Variants in OXR1 observed in about 807,000 individuals in gnomAD.
OXR1 encodes oxidation resistance 1.
Under a neutral mutation model 104.6 loss-of-function variants are expected in OXR1, and 41 were observed. The ratio of observed to expected loss-of-function variants is 0.39; its 90% CI spans 0.31 to 0.51. The LOEUF (loss-of-function observed/expected upper bound fraction) is 0.51, where lower values mean the gene tolerates loss of function less well. Among genes scored for constraint, OXR1 ranks in the 20% least tolerant of loss-of-function variants. The pLI, the probability that OXR1 is intolerant of heterozygous loss-of-function variation, is 0.77. For synonymous variants in OXR1, 348 were observed against 348.4 expected, an observed-to-expected ratio of 1.00 and a Z score of 0.01; for missense variants, 955 against 1,031.9, an observed-to-expected ratio of 0.93 and a Z score of 1.02.
chr8:106,580,925 T>C, intron 3 of OXR1: 2 of 955,524 alleles, frequency 2.1e-6, no homozygotes, highest in South Asian at 4.7e-5. Flanking sequence ...ATTCCTTAAG[T>C]AAATGAATGA....
intron 7 of OXR1, among the ~76,000 whole-genome samples, chr8:106,701,689 A>C (rs1830594292): frequency 6.6e-6 from 1 of 152,230 alleles, no homozygotes; most frequent in African/African-American, 2.4e-5. Flanking sequence ...TATATATAGC[A>C]TAAAGCATGA....
intron 3 of OXR1, among the ~76,000 whole-genome samples, chr8:106,606,968 C>A (rs1284403458): frequency 6.6e-6 from 1 of 152,098 alleles, no homozygotes; most frequent in Non-Finnish European, 1.5e-5. Context: ...GCCAACTGAC[C>A]AATGTCCCAG....
chr8:106,628,236 T>C (rs1019016203), intron 3 of OXR1, among the ~76,000 whole-genome samples: 3 of 152,150 alleles, frequency 2.0e-5, no homozygotes, highest in South Asian at 2.1e-4. Flanking sequence ...CATTGGATTG[T>C]TGCAAGGGTT....
intron 2 of OXR1, among the ~76,000 whole-genome samples, chr8:106,450,355 G>A (rs2130613696): frequency 6.6e-6 from 1 of 152,176 alleles, no homozygotes; most frequent in South Asian, 2.1e-4. Flanking sequence ...TTGTCCGTGT[G>A]CTATTTTCAG....
At chr8:106,284,108 C>G (rs1198581110) in intron 1 of OXR1, among the ~76,000 whole-genome samples, 2 of 151,878 alleles carry the variant, frequency 1.3e-5, no homozygotes, top group Non-Finnish European at 2.9e-5. Flanking sequence ...CAAACATGGC[C>G]CATGCTTTCA....
chr8:106,694,755 TATATATATTTAATAGATAAATAC>T (rs1307686685), intron 7 of OXR1, among the ~76,000 whole-genome samples: 18 of 114,186 alleles, frequency 1.6e-4, no homozygotes, highest in East Asian at 5.4e-4. Flanking sequence ...TATATATTAA[TATATATATTTAATAGATAAATAC>T]ATATATATTT....
chr8:106,499,868 T>C (rs940629935), intron 2 of OXR1, among the ~76,000 whole-genome samples: 6 of 152,256 alleles, frequency 3.9e-5, no homozygotes, highest in African/African-American at 1.4e-4. Context: ...GACTTGCTTG[T>C]CACTGTCTCA....
chr8:106,343,624 G>T (rs1243538723), intron 1 of OXR1, among the ~76,000 whole-genome samples: 1 of 152,132 alleles, frequency 6.6e-6, no homozygotes, highest in Non-Finnish European at 1.5e-5. Context: ...CTACCCCAAA[G>T]GAATCACCAT....
intron 2 of OXR1, among the ~76,000 whole-genome samples, chr8:106,476,472 C>T (rs1821815840): frequency 6.6e-6 from 1 of 151,878 alleles, no homozygotes; most frequent in African/African-American, 2.4e-5. Flanking sequence ...TAGATAAAGG[C>T]AGTCCTGATT....
chr8:106,451,422 A>G (rs1228473355), intron 2 of OXR1, among the ~76,000 whole-genome samples: 1 of 152,206 alleles, frequency 6.6e-6, no homozygotes, highest in Non-Finnish European at 1.5e-5. Flanking sequence ...ATTCTTATAC[A>G]TGGATCAGAA....
chr8:106,344,254 G>T (rs996097462), intron 1 of OXR1, among the ~76,000 whole-genome samples: 2 of 152,142 alleles, frequency 1.3e-5, no homozygotes, highest in African/African-American at 2.4e-5. Context: ...TGCTTCCCAC[G>T]AACTACAGTT....
At chr8:106,597,302 A>G (rs1342221339) in intron 3 of OXR1, among the ~76,000 whole-genome samples, 1 of 151,972 alleles carries the variant, frequency 6.6e-6, no homozygotes, top group East Asian at 1.9e-4. Context: ...AGACCCCGTC[A>G]CTCCTGTGAA....
At chr8:106,389,000 T>C (rs114423183) in intron 2 of OXR1, among the ~76,000 whole-genome samples, 1 of 152,222 alleles carries the variant, frequency 6.6e-6, no homozygotes, top group African/African-American at 2.4e-5. Flanking sequence ...ATCAGAGCCA[T>C]GGGAACTGAG....
intron 1 of OXR1, among the ~76,000 whole-genome samples, chr8:106,294,135 A>G (rs1217647648): frequency 1.3e-5 from 2 of 151,924 alleles, no homozygotes; most frequent in Admixed American, 6.6e-5. Flanking sequence ...AAATGTCTGT[A>G]GTCCCGTCTG....
intron 3 of OXR1, among the ~76,000 whole-genome samples, chr8:106,651,699 C>A (rs1439228986): frequency 6.6e-6 from 1 of 152,092 alleles, no homozygotes; most frequent in East Asian, 1.9e-4. Context: ...AAGTATGAGT[C>A]CCCCAACTCT....
intron 3 of OXR1, among the ~76,000 whole-genome samples, chr8:106,655,566 G>A (rs1267153513): frequency 2.0e-5 from 3 of 152,096 alleles, no homozygotes; most frequent in Non-Finnish European, 4.4e-5. Flanking sequence ...AGAGCAACTT[G>A]ATGTAGATTG....
At chr8:106,314,049 C>T (rs1813824883) in intron 1 of OXR1, among the ~76,000 whole-genome samples, 1 of 152,320 alleles carries the variant, frequency 6.6e-6, no homozygotes, top group South Asian at 2.1e-4. Context: ...TCATCATACA[C>T]ATTCAGAGAA....
At position 106,750,927 on chromosome 8, in the gene OXR1, T is replaced by A. The variant is rs374569040; in HGVS notation, c.2608T>A (p.Trp870Arg). Residue 870 changes from tryptophan to arginine, a missense_variant, in exon 17 of 17, where the codon TGG becomes AGG. Physicochemically the swap from Trp to Arg is moderately radical, Grantham distance 101 (BLOSUM62 -3). This residue lies in a region of OXR1 where 106 missense variants were observed against 179.0 expected (regional missense o/e 0.59). Coordinates refer to ENST00000517566, the MANE Select transcript of OXR1 (RefSeq NM_001198533.2). ...TTTCTTTATCCAAGATATTGAAATCTGGGCTTTTGAATAAATAAAATGCTC... is the reference window on the plus strand; with the variant it reads ...TTTCTTTATCCAAGATATTGAAATCAGGGCTTTTGAATAAATAAAATGCTC... ...EDFFIQDIEI[W>R]AFE 6.2e-7 allele frequency: 1 copy of A among 1,602,692 alleles called. No homozygotes were observed.
Position 106,739,574 on chromosome 8 carries a change from A to C in OXR1, c.2154A>C (p.Gln718His), listed in dbSNP as rs763365311. Residue 718 changes from glutamine (Q) to histidine (H), a missense_variant, in exon 13 of 17, where the codon CAA becomes CAC. By Grantham distance (24) the Gln-to-His change is conservative (BLOSUM62 0). Coordinates refer to ENST00000517566, the MANE Select transcript of OXR1 (RefSeq NM_001198533.2). ...SDPSELLLPD[Q>H]IEKLTKHLPP... is the part of the protein sequence containing the mutation. Reference sequence around the variant, plus strand: ...CCAGTGAACTTTTACTGCCAGATCAAATTGAAAAGGTATGACATGCTCACA... The same window carrying C: ...CCAGTGAACTTTTACTGCCAGATCACATTGAAAAGGTATGACATGCTCACA... The C allele has an allele frequency of 6.2e-7, 1 of 1,613,242 alleles. No individual in the cohort carries two copies. Among genetic ancestry groups the C allele is most frequent in the Non-Finnish European group, 8.5e-7 (1 of 1,179,606 alleles).
Sources: allele counts gnomAD v4.1 joint callset (sites outside exome capture counted in the v4.1 genomes callset), GRCh38; gene constraint gnomAD v4.1.1; regional missense constraint gnomAD v4.1.1; transcripts MANE v1.5; gene names NCBI Gene and HGNC (gene_info 2026-07-23, HGNC 2026-07-21).